Variants in TTF1 observed in about 807,000 individuals in gnomAD.
TTF1 encodes the protein transcription termination factor, RNA polymerase I.
In TTF1, 64 loss-of-function variants were observed where a neutral mutation model predicts 80.2. The ratio of observed to expected loss-of-function variants is 0.80; its 90% CI spans 0.65 to 0.98. The LOEUF (loss-of-function observed/expected upper bound fraction) is 0.98, where lower values mean the gene tolerates loss of function less well. Among genes scored for constraint, TTF1 ranks in the 50% least tolerant of loss-of-function variants. The pLI is 0.00. For missense variants in TTF1, 1,023 were observed against 1,086.2 expected (o/e 0.94, Z 0.82); for synonymous variants, 372 against 382.7 (o/e 0.97, Z 0.33).
intron 6 of TTF1, among the ~76,000 whole-genome samples, chr9:132,391,062 A>T (rs1475894840): frequency 2.0e-5 from 3 of 152,216 alleles, no homozygotes. Flanking sequence ...TCTTAAAGCA[A>T]TGTTTTATTT....
At position 132,402,153 on chromosome 9, in the gene TTF1, CT is replaced by C. The variant is rs765042099; in HGVS notation, c.668del (p.Lys223ArgfsTer45). The C allele has an allele frequency of 3.1e-6, 5 of 1,613,872 alleles. No individual in the cohort carries two copies. In the South Asian group the frequency reaches 3.3e-5, roughly 11 times the overall value. ...SAHKNKSKKK[K>X]KKSSNREYET... ...CATATTCCCGGTTACTGGACTTTTT[CT>C]TTTTTTTCTTAGACTTGTTTTTATG... is the stretch of plus-strand genomic sequence containing the variant. On this transcript the variant is annotated frameshift_variant, in exon 2 of 11. Transcript: ENST00000334270. LOFTEE classifies it high-confidence loss of function.
At chr9:132,377,580 T>C (rs1849232408) in intron 10 of TTF1, among the ~76,000 whole-genome samples, 1 of 23,512 alleles carries the variant, frequency 4.3e-5, no homozygotes, top group African/African-American at 1.1e-4. Context: ...GTGCATGTGG[T>C]GTGTGTGAGT....
chr9:132,382,883 T>G (rs1460902229), intron 9 of TTF1, among the ~76,000 whole-genome samples: 2 of 151,532 alleles, frequency 1.3e-5, no homozygotes, highest in Non-Finnish European at 2.9e-5. Flanking sequence ...CTGGCCAACA[T>G]GGTGAAACCT....
At position 132,398,174 on chromosome 9, in the gene TTF1, A is replaced by C. The variant is rs1422477138; in HGVS notation, c.1744T>G (p.Leu582Val). ...YPEEKSVITN[L>V]KRRYSFRLHI... ...AATCTAAACGAGTATCTCCTTTTTA[A>C]GTTGGTGATCACAGATTTTTCCTCA... Residue 582 changes from leucine (L) to valine (V), a missense_variant, in exon 4 of 11, where the codon TTA becomes GTA. Leu to Val is a conservative substitution (Grantham distance 32). Transcript: ENST00000334270. The C allele has an allele frequency of 6.3e-7, 1 of 1,588,236 alleles. No homozygotes were observed. The highest frequency in any genetic ancestry group is 1.2e-5 in the South Asian group (1 of 86,244).
chr9:132,385,789 T>C (rs1849455804), intron 9 of TTF1, among the ~76,000 whole-genome samples: 1 of 56,792 alleles, frequency 1.8e-5, no homozygotes, highest in African/African-American at 6.0e-5. Context: ...CTGTGCCTGG[T>C]ATACAGAAGG....
intron 4 of TTF1, 34 bp from the exon 5 acceptor site, chr9:132,396,545 A>T (rs1402515233): frequency 6.3e-7 from 1 of 1,593,138 alleles, no homozygotes; most frequent in South Asian, 1.1e-5. Context: ...AGAGGGACTC[A>T]CATGAAATGA....
intron 7 of TTF1, among the ~76,000 whole-genome samples, chr9:132,389,691 G>C (rs550350740): frequency 3.9e-5 from 6 of 152,244 alleles, no homozygotes; most frequent in East Asian, 3.9e-4. Context: ...GTGCAAGGTA[G>C]GGGGGTCATG....
At chr9:132,380,737 A>T (rs1849357738) in intron 9 of TTF1, among the ~76,000 whole-genome samples, 1 of 152,196 alleles carries the variant, frequency 6.6e-6, no homozygotes, top group Non-Finnish European at 1.5e-5. Flanking sequence ...TGAACCTTCA[A>T]TATAATTTTT....
intron 5 of TTF1, 55 bp from the exon 6 acceptor site, chr9:132,392,261 G>A: frequency 6.2e-7 from 1 of 1,604,640 alleles, no homozygotes; most frequent in Non-Finnish European, 8.5e-7. Context: ...GATTAAAAAT[G>A]GTATTCTCAT....
In TTF1 at chr9:132,401,468, G is replaced by A; in HGVS notation, c.1354C>T (p.Gln452Ter). ...CTCCCTCGTTACCTTGGCGCCTCTTGCACGTGCTTGCTTGCCAAACAGGCC... is the reference window on the plus strand; with the variant it reads ...CTCCCTCGTTACCTTGGCGCCTCTTACACGTGCTTGCTTGCCAAACAGGCC... The part of the protein sequence containing the change: ...TQACLASKHV[Q>*]EAPRLEPANE... The change falls in exon 2 of 11, where the codon CAA becomes TAA. Residue 452 changes from glutamine (Q) to a stop codon, truncating the protein, a stop_gained. Transcript: ENST00000334270. LOFTEE classifies it high-confidence loss of function. The A allele has an allele frequency of 6.2e-7, 1 of 1,610,486 alleles. No homozygotes were observed. Among genetic ancestry groups the A allele is most frequent in the Non-Finnish European group, 8.5e-7 (1 of 1,177,888 alleles).
At chr9:132,376,690 T>G in intron 10 of TTF1, among the ~76,000 whole-genome samples, 1 of 141,836 alleles carries the variant, frequency 7.1e-6, no homozygotes, top group African/African-American at 2.7e-5. Context: ...TGAGATAGGG[T>G]CTCGCTCTGT....
chr9:132,393,688 G>T (rs1849599578), intron 5 of TTF1, among the ~76,000 whole-genome samples: 1 of 152,238 alleles, frequency 6.6e-6, no homozygotes, highest in Non-Finnish European at 1.5e-5. Context: ...TTCTGTGTGT[G>T]TGTCTTTAAT....
intron 2 of TTF1, 24 bp from the exon 3 acceptor site, chr9:132,400,282 G>A: frequency 6.3e-7 from 1 of 1,594,516 alleles, no homozygotes; most frequent in East Asian, 2.2e-5. Context: ...AAATTGGGTT[G>A]ACTAACATTA....
chr9:132,392,825 C>G lies in TTF1; in HGVS notation c.1857-619G>C, dbSNP rs956036778. ...ATATATTTCTTACATGGACATGTTG[C>G]GTGATGAAAAACAAAAACAAAAAAT... is the stretch of plus-strand genomic sequence containing the variant. On this transcript the variant is annotated intron_variant, in intron 5 of 10. Transcript: ENST00000334270. Among the ~76,000 whole-genome samples the G allele has an allele frequency of 3.3e-5, 5 of 152,088 alleles. No homozygotes were observed. In the East Asian group the frequency reaches 9.6e-4, roughly 29 times the overall value.
intron 9 of TTF1, 136 bp downstream of exon 9, chr9:132,386,420 A>C: frequency 1.3e-6 from 1 of 779,778 alleles, no homozygotes; most frequent in Non-Finnish European, 2.1e-6. Flanking sequence ...TAGCAAATAC[A>C]CTGAATTTTA....
intron 5 of TTF1, among the ~76,000 whole-genome samples, chr9:132,393,442 A>G (rs542814927): frequency 6.6e-6 from 1 of 152,384 alleles, no homozygotes; most frequent in South Asian, 2.1e-4. Context: ...AAACAATAAC[A>G]TGAGCGATCT....
chr9:132,383,875 C>T (rs552126753), intron 9 of TTF1, among the ~76,000 whole-genome samples: 1 of 152,256 alleles, frequency 6.6e-6, no homozygotes, highest in African/African-American at 2.4e-5. Flanking sequence ...TTTTTTGTAG[C>T]TATAAAGAAT....
chr9:132,391,915 C>T (rs960376118), intron 6 of TTF1, among the ~76,000 whole-genome samples, 161 bp downstream of exon 6: 13 of 152,156 alleles, frequency 8.5e-5, no homozygotes, highest in East Asian at 5.8e-4. Flanking sequence ...ACTAAACACA[C>T]GAGGAAACCA....
intron 7 of TTF1, among the ~76,000 whole-genome samples, chr9:132,389,689 TA>T (rs113827538): frequency 6.6e-6 from 1 of 151,996 alleles, no homozygotes; most frequent in South Asian, 2.1e-4. Flanking sequence ...ATGTGCAAGG[TA>T]GGGGGGTCAT....
Sources: gnomAD v4.1 joint callset for allele counts (sites outside exome capture counted in the v4.1 genomes callset) on GRCh38, gnomAD v4.1.1 for gene constraint, MANE v1.5 for transcripts, NCBI Gene and HGNC (gene_info 2026-07-23, HGNC 2026-07-21) for gene names.